The following CDC14A variants were observed in gnomAD, a reference collection of about 807,000 sequenced individuals.
CDC14A encodes the protein cell division cycle 14A.
CDC14A carries 53 observed loss-of-function variants against 74.4 expected under a neutral mutation model. The observed-to-expected ratio is 0.71, with a 90% CI of 0.57 to 0.89. The LOEUF is 0.89. Among genes scored for constraint, CDC14A ranks in the 40% least tolerant of loss-of-function variants. The pLI is 0.00. For synonymous variants in CDC14A, 247 were observed against 258.4 expected (o/e 0.96, Z 0.43); for missense variants, 646 against 713.7 (o/e 0.91, Z 1.08).
intron 2 of CDC14A, among the ~76,000 whole-genome samples, chr1:100,376,367 A>T (rs905294997): frequency 6.6e-6 from 1 of 152,154 alleles, no homozygotes; most frequent in African/African-American, 2.4e-5. Flanking sequence ...ATAGGAAGAG[A>T]AAGGGAAAGG....
chr1:100,349,565 T>C (rs74872855), upstream of CDC14A, among the ~76,000 whole-genome samples: 812 of 152,370 alleles, frequency 5.3e-3, 7 homozygotes, highest in African/African-American at 0.019. Context: ...ATCTAGTTCA[T>C]ATTTTTCTTG....
chr1:100,462,118 C>T (rs571884929), intron 8 of CDC14A, among the ~76,000 whole-genome samples: 55 of 152,244 alleles, frequency 3.6e-4, no homozygotes, highest in Non-Finnish European at 6.9e-4. Flanking sequence ...ATGGAATTAG[C>T]CATACTTAAG....
chr1:100,365,591 C>A (rs1041879425), intron 2 of CDC14A, among the ~76,000 whole-genome samples: 18 of 152,110 alleles, frequency 1.2e-4, no homozygotes, highest in African/African-American at 4.1e-4. Context: ...GGGACTGGAA[C>A]CTTTTGGCAC....
At chr1:100,359,777 G>A (rs1272521369) in intron 2 of CDC14A, among the ~76,000 whole-genome samples, 2 of 151,420 alleles carry the variant, frequency 1.3e-5, no homozygotes, top group African/African-American at 2.4e-5. Context: ...CTTACCTGGT[G>A]TAACTTAAGG....
intron 10 of CDC14A, among the ~76,000 whole-genome samples, chr1:100,470,040 T>C (rs916280706): frequency 6.6e-6 from 1 of 152,118 alleles, no homozygotes; most frequent in South Asian, 2.1e-4. Context: ...CAAAATGATA[T>C]ACAGATGGTG....
chr1:100,377,745 G>A (rs1655486431), intron 3 of CDC14A, 124 bp downstream of exon 3: 8 of 643,230 alleles, frequency 1.2e-5, no homozygotes, highest in Non-Finnish European at 2.2e-5. Flanking sequence ...ATTTATGTGA[G>A]TAGTTCACCT....
chr1:100,351,836 A>T, upstream of CDC14A: 1 of 1,522,768 alleles, frequency 6.6e-7, no homozygotes, highest in South Asian at 1.2e-5. Context: ...CAATACATGT[A>T]CTGTGAGCTA....
chr1:100,507,575 C>T (rs1225496349), intron 15 of CDC14A, among the ~76,000 whole-genome samples: 1 of 152,046 alleles, frequency 6.6e-6, no homozygotes, highest in Non-Finnish European at 1.5e-5. Flanking sequence ...GCTGGGATTA[C>T]AGGCTTGAGC....
intron 10 of CDC14A, among the ~76,000 whole-genome samples, chr1:100,476,603 CAG>C (rs2101314292): frequency 9.6e-6 from 1 of 104,542 alleles, no homozygotes; most frequent in Admixed American, 1.3e-4. Flanking sequence ...TTCTATTTTT[CAG>C]AGTCTTGTTT....
chr1:100,499,042 C>G lies in CDC14A; in HGVS notation c.1535C>G (p.Pro512Arg). ...SSSKAGFTASPFTNLLNGSSQ... is the reference protein window; with the variant it reads ...SSSKAGFTASRFTNLLNGSSQ... ...TCTAAGGCAGGCTTCACAGCCAGCC[C>G]GTTTACCAACCTCTTGAATGGCAGC... Residue 512 changes from proline (P) to arginine (R), a missense_variant, in exon 15 of 16, where the codon CCG (proline) becomes CGG (arginine). By Grantham distance (103) the Pro-to-Arg change is moderately radical. Coordinates refer to ENST00000336454, the MANE Select transcript of CDC14A (RefSeq NM_003672.4). 1.9e-6 allele frequency: 3 copies of G among 1,614,144 alleles called. No homozygotes were observed. Among genetic ancestry groups the G allele is most frequent in the Non-Finnish European group, 2.5e-6 (3 of 1,180,012 alleles).
chr1:100,445,553 G>A (rs990863331), intron 7 of CDC14A, among the ~76,000 whole-genome samples: 6 of 152,074 alleles, frequency 3.9e-5, no homozygotes, highest in African/African-American at 4.8e-5. Flanking sequence ...GGTTGGAAGC[G>A]GTGAGAGAGA....
At chr1:100,480,408 G>A (rs1353772974) in intron 10 of CDC14A, among the ~76,000 whole-genome samples, 1 of 152,152 alleles carries the variant, frequency 6.6e-6, no homozygotes, top group Admixed American at 6.5e-5. Flanking sequence ...GGACGTTTGA[G>A]TTATTTCTAC....
At chr1:100,413,774 C>T (rs142711943) in intron 4 of CDC14A, among the ~76,000 whole-genome samples, 5 of 152,320 alleles carry the variant, frequency 3.3e-5, no homozygotes, top group Non-Finnish European at 7.3e-5. Context: ...CTGCTTTCCA[C>T]TGCCTCAGAT....
intron 5 of CDC14A, among the ~76,000 whole-genome samples, chr1:100,429,129 G>A (rs1266999746): frequency 6.6e-6 from 1 of 151,550 alleles, no homozygotes; most frequent in African/African-American, 2.4e-5. Flanking sequence ...GATTGAACCT[G>A]GGAGGCAGAG....
chr1:100,483,878 T>G (rs1015842769), intron 10 of CDC14A, among the ~76,000 whole-genome samples: 8 of 152,164 alleles, frequency 5.3e-5, no homozygotes, highest in African/African-American at 1.9e-4. Context: ...TCCATTTAAC[T>G]CAAGTTCTTT....
At chr1:100,348,987 C>T (rs1230884977), upstream of CDC14A, among the ~76,000 whole-genome samples, 1 of 152,120 alleles carries the variant, frequency 6.6e-6, no homozygotes. Context: ...TTGAGGTCAG[C>T]AGTTTGAGAC....
chr1:100,484,666 A>C (rs1341476477), intron 11 of CDC14A: 7 of 1,145,422 alleles, frequency 6.1e-6, no homozygotes, highest in Non-Finnish European at 7.5e-6. Context: ...TAAATTATAA[A>C]GGAGGCTACT....
intron 2 of CDC14A, among the ~76,000 whole-genome samples, chr1:100,367,130 C>A (rs1653746009): frequency 1.3e-5 from 2 of 152,084 alleles, no homozygotes; most frequent in Non-Finnish European, 2.9e-5. Flanking sequence ...TGCACTCAGC[C>A]CTCAGATTTC....
rs764266535 is a variant in CDC14A at position 100,494,855 on chromosome 1, G to A, written c.1175G>A (p.Gly392Asp). The A allele has an allele frequency of 1.2e-6, 2 of 1,612,892 alleles. No individual in the cohort carries two copies. The highest frequency in any genetic ancestry group is 1.7e-6 in the Non-Finnish European group (2 of 1,179,088). Residue 392 changes from glycine to aspartate, a missense_variant, in exon 12 of 16, where the codon GGT (glycine) becomes GAT (aspartate). Gly to Asp is a moderately conservative substitution (Grantham distance 94, BLOSUM62 -1). Coordinates refer to ENST00000336454, the MANE Select transcript of CDC14A (RefSeq NM_003672.4). ...LEDDDVEMKN[G>D]ITQGDKLRAL... is the part of the protein sequence containing the mutation. ...GATGATGATGTGGAAATGAAAAATG[G>A]TATAACCCAGGGAGACAAACTACGT...
Sources: allele counts gnomAD v4.1 joint callset (sites outside exome capture counted in the v4.1 genomes callset), GRCh38; gene constraint gnomAD v4.1.1; transcripts MANE v1.5; gene names NCBI Gene and HGNC (gene_info 2026-07-23, HGNC 2026-07-21).